The following GPC5 variants were observed in gnomAD, a reference collection of about 807,000 sequenced individuals.
GPC5 encodes the protein glypican 5.
In GPC5, 47 loss-of-function variants were observed where a neutral mutation model predicts 53.9. The ratio of observed to expected loss-of-function variants is 0.87; its 90% CI spans 0.69 to 1.11. The LOEUF (loss-of-function observed/expected upper bound fraction) is 1.11. Among genes scored for constraint, GPC5 ranks in the 50% most tolerant of loss-of-function variants. GPC5 has a pLI of 0.00. For missense variants in GPC5, 748 were observed against 713.1 expected (o/e 1.05, Z -0.56); for synonymous variants, 286 against 263.3 (o/e 1.09, Z -0.84).
At chr13:91,887,542 T>G (rs1312048428) in intron 5 of GPC5, among the ~76,000 whole-genome samples, 1 of 152,220 alleles carries the variant, frequency 6.6e-6, no homozygotes, top group East Asian at 1.9e-4. Context: ...TCTCTTGCAT[T>G]GTGACGCTGC....
At chr13:92,436,061 T>C (rs1011252858) in intron 7 of GPC5, among the ~76,000 whole-genome samples, 1 of 152,172 alleles carries the variant, frequency 6.6e-6, no homozygotes, top group African/African-American at 2.4e-5. Flanking sequence ...TTCTGTTATT[T>C]TGATATTAAA....
chr13:92,780,403 A>G (rs1875977903), intron 7 of GPC5, among the ~76,000 whole-genome samples: 1 of 148,598 alleles, frequency 6.7e-6, no homozygotes, highest in African/African-American at 2.5e-5. Flanking sequence ...AACTTAATAT[A>G]ATTAAGTGTA....
intron 7 of GPC5, among the ~76,000 whole-genome samples, chr13:92,785,135 G>A (rs1876171455): frequency 2.0e-5 from 3 of 152,048 alleles, no homozygotes; most frequent in Non-Finnish European, 2.9e-5. Context: ...AATTAGTTGC[G>A]CATGGTGGCA....
intron 7 of GPC5, among the ~76,000 whole-genome samples, chr13:92,312,069 G>C (rs1044096121): frequency 4.6e-5 from 7 of 152,038 alleles, no homozygotes; most frequent in African/African-American, 1.7e-4. Flanking sequence ...CCACTTAAAG[G>C]GTTTTGATCT....
intron 5 of GPC5, among the ~76,000 whole-genome samples, chr13:91,876,433 G>T (rs1191043787): frequency 6.6e-6 from 1 of 152,214 alleles, no homozygotes; most frequent in Non-Finnish European, 1.5e-5. Context: ...CCAGGCTGAG[G>T]TGGTCTCAGA....
chr13:91,657,415 T>A (rs182942973), intron 2 of GPC5, among the ~76,000 whole-genome samples: 14 of 152,222 alleles, frequency 9.2e-5, no homozygotes, highest in Admixed American at 9.2e-4. Flanking sequence ...CAATTTTGCC[T>A]TCCATGTGAC....
Position 92,354,068 on chromosome 13 carries a change from T to C in GPC5, c.1561+209079T>C, listed in dbSNP as rs116589072. On this transcript the variant is annotated intron_variant, in intron 7 of 7. Transcript: ENST00000377067. ...TTTTTCCATGCATTCTATTAATAAG[T>C]CTTGTTACCAACATTTTAACACATA... 3.0e-3 allele frequency among the ~76,000 whole-genome samples: 459 copies of C among 152,298 alleles called. 3 individuals are homozygous for C. The highest frequency in any genetic ancestry group is 0.01 in the African/African-American group (430 of 41,560).
At chr13:92,472,210 C>G (rs1878940938) in intron 7 of GPC5, among the ~76,000 whole-genome samples, 1 of 152,014 alleles carries the variant, frequency 6.6e-6, no homozygotes, top group Non-Finnish European at 1.5e-5. Flanking sequence ...ATTTTTCACC[C>G]TTAAAATGAG....
At chr13:92,149,258 G>C (rs1566457077) in intron 7 of GPC5, among the ~76,000 whole-genome samples, 1 of 151,982 alleles carries the variant, frequency 6.6e-6, no homozygotes, top group Non-Finnish European at 1.5e-5. Flanking sequence ...TTTTCCCACA[G>C]ACTCCTTACT....
At chr13:92,671,476 G>T (rs1157438767) in intron 7 of GPC5, among the ~76,000 whole-genome samples, 1 of 152,132 alleles carries the variant, frequency 6.6e-6, no homozygotes, top group East Asian at 1.9e-4. Context: ...CTGCATTTGT[G>T]ATCCCTTTGT....
At chr13:92,600,740 C>T (rs1884024612) in intron 7 of GPC5, among the ~76,000 whole-genome samples, 1 of 151,690 alleles carries the variant, frequency 6.6e-6, no homozygotes, top group Non-Finnish European at 1.5e-5. Context: ...CTCCTGACCT[C>T]AGGTGATGCA....
At chr13:92,440,489 A>C (rs1339124425) in intron 7 of GPC5, among the ~76,000 whole-genome samples, 4 of 152,114 alleles carry the variant, frequency 2.6e-5, no homozygotes, top group Non-Finnish European at 5.9e-5. Flanking sequence ...CATTTTCTTT[A>C]TTTAGTCACC....
chr13:91,489,578 A>G (rs1244226380), intron 2 of GPC5, among the ~76,000 whole-genome samples: 1 of 152,212 alleles, frequency 6.6e-6, no homozygotes, highest in East Asian at 1.9e-4. Context: ...TGAATAGTGA[A>G]TGTTCATAGA....
At chr13:91,549,028 T>C (rs1397911826) in intron 2 of GPC5, among the ~76,000 whole-genome samples, 1 of 152,110 alleles carries the variant, frequency 6.6e-6, no homozygotes, top group African/African-American at 2.4e-5. Context: ...CCCAGCACTT[T>C]GGGAGGCCAA....
At chr13:92,085,146 A>G (rs1384232778) in intron 6 of GPC5, among the ~76,000 whole-genome samples, 3 of 152,200 alleles carry the variant, frequency 2.0e-5, no homozygotes, top group Non-Finnish European at 4.4e-5. Context: ...ATTAAGTTTC[A>G]ACACATGAAT....
intron 6 of GPC5, among the ~76,000 whole-genome samples, chr13:92,136,951 A>G (rs2041788871): frequency 6.6e-6 from 1 of 152,230 alleles, no homozygotes; most frequent in South Asian, 2.1e-4. Context: ...AGCTTCCTAA[A>G]CCAACTAAAC....
intron 5 of GPC5, among the ~76,000 whole-genome samples, chr13:91,895,751 A>G (rs2039434572): frequency 6.6e-6 from 1 of 151,786 alleles, no homozygotes; most frequent in African/African-American, 2.4e-5. Context: ...GGGTGGTATT[A>G]GTTTTCTGTG....
At chr13:92,364,702 T>C (rs976676332) in intron 7 of GPC5, among the ~76,000 whole-genome samples, 10 of 151,618 alleles carry the variant, frequency 6.6e-5, no homozygotes, top group Admixed American at 2.0e-4. Flanking sequence ...TGCACTCCAG[T>C]CTGGGTGACA....
intron 7 of GPC5, among the ~76,000 whole-genome samples, chr13:92,734,881 T>A (rs1046101193): frequency 1.2e-4 from 18 of 151,902 alleles, no homozygotes; most frequent in Non-Finnish European, 1.6e-4. Flanking sequence ...CTTCTCTATT[T>A]TTCATAAAAT....
Sources: gnomAD v4.1 joint callset for allele counts (sites outside exome capture counted in the v4.1 genomes callset) on GRCh38, gnomAD v4.1.1 for gene constraint, MANE v1.5 for transcripts, NCBI Gene and HGNC (gene_info 2026-07-23, HGNC 2026-07-21) for gene names.